The following UBTD1 variants were observed in gnomAD, a reference collection of about 807,000 sequenced individuals.
UBTD1 encodes the protein ubiquitin domain containing 1, also known as ubiquitin domain-containing protein 1.
In UBTD1, 19 loss-of-function variants were observed where a neutral mutation model predicts 21.7. The ratio of observed to expected loss-of-function variants is 0.87; its 90% CI spans 0.61 to 1.28. The LOEUF is 1.28. Among genes scored for constraint, UBTD1 ranks in the 50% most tolerant of loss-of-function variants. The probability of loss-of-function intolerance (pLI) is 0.00; values close to 1 mark genes in which losing one functional copy is unlikely to be tolerated. For missense variants in UBTD1, 282 were observed against 315.1 expected, an observed-to-expected ratio of 0.89 and a Z score of 0.80; for synonymous variants, 116 against 135.1, an observed-to-expected ratio of 0.86 and a Z score of 0.98.
chr10:97,540,950 C>T (rs1013662016), intron 1 of UBTD1, among the ~76,000 whole-genome samples: 2 of 152,188 alleles, frequency 1.3e-5, no homozygotes, highest in Non-Finnish European at 2.9e-5. Flanking sequence ...GGGCTGGAGG[C>T]AGCGCTGCTT....
chr10:97,562,792 G>T (rs1056189929), intron 1 of UBTD1, among the ~76,000 whole-genome samples: 1 of 152,154 alleles, frequency 6.6e-6, no homozygotes, highest in Non-Finnish European at 1.5e-5. Context: ...CCATCTGGAT[G>T]TATATATGTA....
At chr10:97,564,038 G>T (rs1013523048) in intron 1 of UBTD1, among the ~76,000 whole-genome samples, 19 of 152,140 alleles carry the variant, frequency 1.2e-4, no homozygotes, top group Admixed American at 2.0e-4. Flanking sequence ...GGTCCTGCAG[G>T]CGGATGGCAG....
chr10:97,554,361 C>A (rs2040654221), intron 1 of UBTD1, among the ~76,000 whole-genome samples: 1 of 149,654 alleles, frequency 6.7e-6, no homozygotes, highest in Non-Finnish European at 1.5e-5. Context: ...GATTCTCCTG[C>A]CTCACCTCCA....
chr10:97,502,479 C>A (rs1168629845), intron 1 of UBTD1, among the ~76,000 whole-genome samples: 1 of 152,200 alleles, frequency 6.6e-6, no homozygotes, highest in Admixed American at 6.5e-5. Flanking sequence ...AAAGCCTCAA[C>A]AGGGAGCTAG....
Position 97,499,143 on chromosome 10 carries a change from T to G in UBTD1, c.-61T>G, listed in dbSNP as rs560090318. On this transcript the variant is annotated 5_prime_UTR_variant, in exon 1 of 3. Coordinates refer to ENST00000370664, the MANE Select transcript of UBTD1 (RefSeq NM_024954.5). Reference sequence around the variant, plus strand: ...GAGCCATTGACCCGGGACGCCGCCGTCCGCTGAGCAGCCGACCACCCCGCC... The same window carrying G: ...GAGCCATTGACCCGGGACGCCGCCGGCCGCTGAGCAGCCGACCACCCCGCC... 5.5e-5 allele frequency: 81 copies of G among 1,473,562 alleles called. 1 individual carries two copies. The South Asian group carries it at 8.6e-4, about 16-fold the overall frequency. The allele number at this position is 1,473,562 out of a possible 1,614,324, so 91.3% of individuals were successfully genotyped here.
At chr10:97,554,560 T>C (rs759839721) in intron 1 of UBTD1, among the ~76,000 whole-genome samples, 1 of 152,014 alleles carries the variant, frequency 6.6e-6, no homozygotes, top group Non-Finnish European at 1.5e-5. Context: ...TATTTATTTA[T>C]TTATTTATGA....
chr10:97,516,573 A>G (rs1589869369), intron 1 of UBTD1, among the ~76,000 whole-genome samples: 1 of 152,172 alleles, frequency 6.6e-6, no homozygotes, highest in East Asian at 1.9e-4. Flanking sequence ...CAGGAGATCA[A>G]GACCATCCTG....
chr10:97,537,159 G>A (rs2040566624), intron 1 of UBTD1, among the ~76,000 whole-genome samples: 1 of 152,150 alleles, frequency 6.6e-6, no homozygotes, highest in Non-Finnish European at 1.5e-5. Context: ...AGCCCCTTGA[G>A]TGCCCGGCAG....
At chr10:97,540,534 A>C (rs1008794917) in intron 1 of UBTD1, among the ~76,000 whole-genome samples, 2 of 152,254 alleles carry the variant, frequency 1.3e-5, no homozygotes, top group Non-Finnish European at 2.9e-5. Flanking sequence ...AAATGTTAGC[A>C]GTTCTTGTTC....
chr10:97,535,502 C>T (rs2040555751), intron 1 of UBTD1, among the ~76,000 whole-genome samples: 1 of 152,110 alleles, frequency 6.6e-6, no homozygotes, highest in Non-Finnish European at 1.5e-5. Flanking sequence ...GTAGTCCCAG[C>T]TACTCTGGAG....
rs117861436 is a variant in UBTD1 at position 97,523,436 on chromosome 10, G to A, written c.70+24163G>A. Among the ~76,000 whole-genome samples, 12 of 152,268 alleles carry A rather than the reference G, an allele frequency of 7.9e-5. No individual in the cohort carries two copies. The East Asian group carries it at 2.3e-3, about 29-fold the overall frequency. ...TTTACAGATTGGAGAACTAAAGCTT[G>A]CTAGGGTCACCGGGCCAGTTACTGG... is the stretch of plus-strand genomic sequence containing the variant. On this transcript the variant is annotated intron_variant, in intron 1 of 2. Transcript: ENST00000370664.
At chr10:97,537,076 G>A (rs971519992) in intron 1 of UBTD1, among the ~76,000 whole-genome samples, 4 of 152,116 alleles carry the variant, frequency 2.6e-5, no homozygotes, top group African/African-American at 7.2e-5. Context: ...AGCAGGGCAG[G>A]CCTGTCTGAG....
At position 97,499,266 on chromosome 10, in the gene UBTD1, G is replaced by T; in HGVS notation, c.63G>T (p.Lys21Asn). 6.5e-7 allele frequency: 1 copy of T among 1,548,758 alleles called. No individual in the cohort carries two copies. The highest frequency in any genetic ancestry group is 1.2e-5 in the South Asian group (1 of 83,616). The change falls in exon 1 of 3, where the codon AAG (lysine) becomes AAT (asparagine). Residue 21 changes from lysine to asparagine, a missense_variant. Coordinates refer to ENST00000370664, the MANE Select transcript of UBTD1 (RefSeq NM_024954.5). ...CGGCAGCCCCGGGACACCCCCGCAA[G>T]CGAGCAGGTAACGATGGGGAAGGGA... Reference protein sequence around the residue: ...ERPAAPGHPRKRAGRNEPLKK... With the variant: ...ERPAAPGHPRNRAGRNEPLKK...
At chr10:97,504,789 G>T (rs1230193473) in intron 1 of UBTD1, among the ~76,000 whole-genome samples, 1 of 152,210 alleles carries the variant, frequency 6.6e-6, no homozygotes, top group African/African-American at 2.4e-5. Context: ...GTTAAGGCAG[G>T]TATCTTAATG....
intron 1 of UBTD1, among the ~76,000 whole-genome samples, chr10:97,507,496 T>C (rs1367131956): frequency 6.7e-6 from 1 of 150,140 alleles, no homozygotes; most frequent in Admixed American, 6.7e-5. Flanking sequence ...AAAATTGGCC[T>C]GGGCACGGTG....
chr10:97,515,719 A>G (rs1240626996), intron 1 of UBTD1, among the ~76,000 whole-genome samples: 2 of 152,140 alleles, frequency 1.3e-5, no homozygotes, highest in East Asian at 1.9e-4. Flanking sequence ...AGCTCCAGCC[A>G]CACTCAGATG....
At chr10:97,500,451 A>C (rs577855271) in intron 1 of UBTD1, among the ~76,000 whole-genome samples, 1 of 152,248 alleles carries the variant, frequency 6.6e-6, no homozygotes, top group Non-Finnish European at 1.5e-5. Context: ...GGAAGGATGC[A>C]GTAAAACTTA....
intron 1 of UBTD1, among the ~76,000 whole-genome samples, chr10:97,539,501 A>C (rs747663198): frequency 2.0e-5 from 3 of 151,846 alleles, no homozygotes; most frequent in Non-Finnish European, 1.5e-5. Flanking sequence ...AGGCTAAGGT[A>C]GGAGGATCTC....
chr10:97,568,594 G>A (rs1392978776), intron 2 of UBTD1, among the ~76,000 whole-genome samples: 3 of 150,268 alleles, frequency 2.0e-5, no homozygotes, highest in East Asian at 2.0e-4. Flanking sequence ...GCTAATTTTC[G>A]TATTTTTAGT....
Sources: gnomAD v4.1 joint callset for allele counts (sites outside exome capture counted in the v4.1 genomes callset) on GRCh38, gnomAD v4.1.1 for gene constraint, MANE v1.5 for transcripts, NCBI Gene and HGNC (gene_info 2026-07-23, HGNC 2026-07-21) for gene names.